NKAIN2: variants seen among roughly 807,000 people sequenced by gnomAD.
The protein encoded by NKAIN2 is sodium/potassium-transporting ATPase subunit beta-1-interacting protein 2.
In NKAIN2, 14 loss-of-function variants were observed where a neutral mutation model predicts 32.6. That is an observed-to-expected ratio of 0.43 (90% CI 0.28 to 0.67). The LOEUF (loss-of-function observed/expected upper bound fraction) is 0.67. Among genes scored for constraint, NKAIN2 ranks in the 30% least tolerant of loss-of-function variants. The pLI is 0.17. For missense variants in NKAIN2, 198 were observed against 258.3 expected (o/e 0.77, Z 1.60); for synonymous variants, 80 against 87.2 (o/e 0.92, Z 0.46).
At chr6:124,600,988 C>A (rs1429473135) in intron 3 of NKAIN2, among the ~76,000 whole-genome samples, 1 of 151,988 alleles carries the variant, frequency 6.6e-6, no homozygotes, top group Non-Finnish European at 1.5e-5. Flanking sequence ...AAAGCACTGA[C>A]CTTCTGCTGC....
chr6:124,522,823 T>A (rs1009389847), intron 3 of NKAIN2, among the ~76,000 whole-genome samples: 2 of 152,064 alleles, frequency 1.3e-5, no homozygotes, highest in Non-Finnish European at 2.9e-5. Flanking sequence ...TATATATGTT[T>A]TATGAGGTTT....
At chr6:124,606,800 T>C (rs1782517740) in intron 3 of NKAIN2, among the ~76,000 whole-genome samples, 1 of 152,150 alleles carries the variant, frequency 6.6e-6, no homozygotes, top group Non-Finnish European at 1.5e-5. Context: ...GTCATCTGGA[T>C]CACTCTGTTC....
At chr6:124,067,589 A>C (rs1783249411) in intron 1 of NKAIN2, among the ~76,000 whole-genome samples, 2 of 152,206 alleles carry the variant, frequency 1.3e-5, no homozygotes, top group Admixed American at 1.3e-4. Context: ...GTATTTGTTG[A>C]GCATTTCTCA....
intron 1 of NKAIN2, among the ~76,000 whole-genome samples, chr6:124,089,422 T>C (rs1395699173): frequency 6.6e-6 from 1 of 151,932 alleles, no homozygotes; most frequent in African/African-American, 2.4e-5. Context: ...ATTTCTATAA[T>C]CTGTCTCTTA....
At chr6:124,106,727 T>G (rs190685511) in intron 1 of NKAIN2, among the ~76,000 whole-genome samples, 4 of 152,306 alleles carry the variant, frequency 2.6e-5, no homozygotes, top group African/African-American at 9.6e-5. Context: ...GGACATTGGT[T>G]GCAGAGTGAT....
chr6:124,358,966 G>T (rs562453192), intron 3 of NKAIN2, among the ~76,000 whole-genome samples: 55 of 150,260 alleles, frequency 3.7e-4, no homozygotes, highest in African/African-American at 1.3e-3. Context: ...GTAAGGAAGG[G>T]ATCCAGTTTC....
chr6:124,210,664 A>G (rs1257192015), intron 1 of NKAIN2, among the ~76,000 whole-genome samples: 2 of 151,536 alleles, frequency 1.3e-5, no homozygotes, highest in Non-Finnish European at 3.0e-5. Context: ...GTTTATTTCT[A>G]GGTAACTTAT....
chr6:124,552,486 T>C (rs891070128), intron 3 of NKAIN2, among the ~76,000 whole-genome samples: 16 of 152,184 alleles, frequency 1.1e-4, no homozygotes, highest in Admixed American at 7.9e-4. Context: ...CATAGACTGG[T>C]CTATGGAGAT....
At chr6:124,413,259 C>T (rs993216055) in intron 3 of NKAIN2, among the ~76,000 whole-genome samples, 4 of 152,154 alleles carry the variant, frequency 2.6e-5, no homozygotes, top group Non-Finnish European at 5.9e-5. Flanking sequence ...CTGTCTTCTG[C>T]GTCGCTCTTT....
At chr6:124,476,169 C>A (rs925880158) in intron 3 of NKAIN2, among the ~76,000 whole-genome samples, 3 of 150,536 alleles carry the variant, frequency 2.0e-5, no homozygotes, top group Admixed American at 6.6e-5. Flanking sequence ...TAAAACAAAG[C>A]CCTTCCTAAT....
rs191836978 is a variant in NKAIN2, at chr6:124,169,732, G to C, written c.55-113273G>C. ...TTTGAATGGAAAATCTTATCTCCAT[G>C]CACTTAGGATGGAAATCTTCTTAGG... On this transcript the variant is annotated intron_variant, in intron 1 of 6. Coordinates refer to ENST00000368417, the MANE Select transcript of NKAIN2 (RefSeq NM_001040214.3). Among the ~76,000 whole-genome samples, 188 of 152,052 alleles carry C rather than the reference G, an allele frequency of 1.2e-3. 1 individual carries two copies. The highest frequency in any genetic ancestry group is 3.4e-3 in the Middle Eastern group (1 of 294).
chr6:123,833,377 C>T (rs1290724541), intron 1 of NKAIN2, among the ~76,000 whole-genome samples: 2 of 151,744 alleles, frequency 1.3e-5, no homozygotes, highest in East Asian at 1.9e-4. Context: ...GGTGTCAGTC[C>T]TCTCATCTTC....
At chr6:123,880,003 G>A (rs578031176) in intron 1 of NKAIN2, among the ~76,000 whole-genome samples, 1 of 152,304 alleles carries the variant, frequency 6.6e-6, no homozygotes, top group South Asian at 2.1e-4. Flanking sequence ...CAGATGGATA[G>A]AGCAAATTCA....
chr6:124,469,656 C>G (rs778317491), intron 3 of NKAIN2, among the ~76,000 whole-genome samples: 3 of 152,142 alleles, frequency 2.0e-5, no homozygotes, highest in Non-Finnish European at 4.4e-5. Flanking sequence ...AGAAAATTCA[C>G]ACTCCATCTA....
chr6:124,312,795 T>C (rs1796779007), intron 2 of NKAIN2, among the ~76,000 whole-genome samples: 4 of 152,200 alleles, frequency 2.6e-5, no homozygotes, highest in South Asian at 4.1e-4. Context: ...CAGCAAGGCC[T>C]GTGCAGATTC....
chr6:124,076,393 C>A (rs1490589318), intron 1 of NKAIN2, among the ~76,000 whole-genome samples: 2 of 152,004 alleles, frequency 1.3e-5, no homozygotes, highest in African/African-American at 2.4e-5. Flanking sequence ...CCCCAAGGAC[C>A]CTCTTCATTT....
At chr6:124,451,807 A>G (rs963278625) in intron 3 of NKAIN2, among the ~76,000 whole-genome samples, 4 of 152,150 alleles carry the variant, frequency 2.6e-5, no homozygotes, top group African/African-American at 9.6e-5. Flanking sequence ...CAATGGGAAG[A>G]GTGCTTCAAG....
At chr6:124,811,121 A>G (rs1163932856) in intron 5 of NKAIN2, among the ~76,000 whole-genome samples, 2 of 152,184 alleles carry the variant, frequency 1.3e-5, no homozygotes, top group African/African-American at 4.8e-5. Context: ...ATTCATACCT[A>G]TGGAAATAAT....
At chr6:123,987,854 C>T (rs1487143189) in intron 1 of NKAIN2, among the ~76,000 whole-genome samples, 1 of 152,114 alleles carries the variant, frequency 6.6e-6, no homozygotes, top group African/African-American at 2.4e-5. Context: ...CCAGCCATAT[C>T]ACAGAACTTA....
Sources: gnomAD v4.1 joint callset for allele counts (sites outside exome capture counted in the v4.1 genomes callset) on GRCh38, gnomAD v4.1.1 for gene constraint, MANE v1.5 for transcripts, NCBI Gene and HGNC (gene_info 2026-07-23, HGNC 2026-07-21) for gene names.